The following FBXL7 variants were observed in gnomAD, a reference collection of about 807,000 sequenced individuals.
FBXL7 encodes the protein F-box and leucine rich repeat protein 7, also known as F-box/LRR-repeat protein 7.
In FBXL7, 12 loss-of-function variants were observed where a neutral mutation model predicts 38.3. The observed-to-expected ratio is 0.31, with a 90% CI of 0.20 to 0.51. The LOEUF (loss-of-function observed/expected upper bound fraction) is 0.51, where lower values mean the gene tolerates loss of function less well. Ranked by LOEUF, FBXL7 falls within the 20% of genes least tolerant of loss-of-function variation. The pLI is 0.98. For synonymous variants in FBXL7, 297 were observed against 300.9 expected (o/e 0.99, Z 0.13); for missense variants, 567 against 676.4 (o/e 0.84, Z 1.79).
At chr5:15,664,917 T>C (rs1742219646) in intron 2 of FBXL7, among the ~76,000 whole-genome samples, 1 of 152,106 alleles carries the variant, frequency 6.6e-6, no homozygotes, top group Non-Finnish European at 1.5e-5. Context: ...CTTGACATCA[T>C]TTTTGAAAGA....
chr5:15,516,821 T>C (rs1236837311), intron 1 of FBXL7, among the ~76,000 whole-genome samples: 1 of 152,094 alleles, frequency 6.6e-6, no homozygotes, highest in African/African-American at 2.4e-5. Flanking sequence ...TTCTCCTTGC[T>C]GCTGCCATGT....
intron 2 of FBXL7, among the ~76,000 whole-genome samples, chr5:15,664,127 ATTTTTT>A (rs1161104103): frequency 6.6e-6 from 1 of 151,968 alleles, no homozygotes; most frequent in African/African-American, 2.4e-5. Context: ...TCTCTTAGAA[ATTTTTT>A]TATATTGGGG....
At chr5:15,866,436 G>A (rs1394301248) in intron 2 of FBXL7, among the ~76,000 whole-genome samples, 1 of 152,174 alleles carries the variant, frequency 6.6e-6, no homozygotes, top group Non-Finnish European at 1.5e-5. Flanking sequence ...CATATGTGCA[G>A]ATAGCTAGCC....
At chr5:15,674,061 CAAAAAGAGCTCCACTA>C (rs1742574209) in intron 2 of FBXL7, among the ~76,000 whole-genome samples, 1 of 152,154 alleles carries the variant, frequency 6.6e-6, no homozygotes, top group Non-Finnish European at 1.5e-5. Flanking sequence ...CAGGTTAGTT[CAAAAAGAGCTCCACTA>C]CTTACCATGT....
chr5:15,749,114 A>G (rs1437664459), intron 2 of FBXL7, among the ~76,000 whole-genome samples: 1 of 151,800 alleles, frequency 6.6e-6, no homozygotes, highest in African/African-American at 2.4e-5. Flanking sequence ...GCATGGTGGC[A>G]CATGCCTGTA....
chr5:15,501,954 T>C (rs910619842), intron 1 of FBXL7, among the ~76,000 whole-genome samples: 2 of 152,006 alleles, frequency 1.3e-5, no homozygotes, highest in Non-Finnish European at 2.9e-5. Flanking sequence ...TGACAATTTT[T>C]TTTTTAAAGT....
At chr5:15,920,351 T>G (rs1224161512) in intron 2 of FBXL7, among the ~76,000 whole-genome samples, 1 of 152,220 alleles carries the variant, frequency 6.6e-6, no homozygotes, top group East Asian at 1.9e-4. Context: ...ACAATGTATA[T>G]TAAATGATCC....
At chr5:15,802,059 C>T (rs943652916) in intron 2 of FBXL7, among the ~76,000 whole-genome samples, 2 of 152,086 alleles carry the variant, frequency 1.3e-5, no homozygotes, top group African/African-American at 2.4e-5. Context: ...TAGGCATCCC[C>T]AATTCTCACC....
At chr5:15,806,922 C>A (rs1241615308) in intron 2 of FBXL7, among the ~76,000 whole-genome samples, 1 of 152,114 alleles carries the variant, frequency 6.6e-6, no homozygotes, top group Admixed American at 6.5e-5. Context: ...TTTCTGAAAT[C>A]TATGGTACAA....
intron 1 of FBXL7, among the ~76,000 whole-genome samples, chr5:15,606,400 C>T (rs973308922): frequency 1.3e-5 from 2 of 152,128 alleles, no homozygotes; most frequent in Non-Finnish European, 2.9e-5. Flanking sequence ...GGGAATTCTC[C>T]GCTCTATGTG....
chr5:15,716,539 C>T (rs1744048288), intron 2 of FBXL7, among the ~76,000 whole-genome samples: 1 of 152,166 alleles, frequency 6.6e-6, no homozygotes, highest in African/African-American at 2.4e-5. Context: ...TCAATTCTGC[C>T]TCCTCTGTGG....
In FBXL7 at chr5:15,613,953, C is replaced by T. The variant is rs141794260; in HGVS notation, c.38-2030C>T. ...TAAACAGTCTTCTACTGTGTCCTCACGTGGCAGAAGGGGGCAAGGAAGCTC... is the reference window on the plus strand; with the variant it reads ...TAAACAGTCTTCTACTGTGTCCTCATGTGGCAGAAGGGGGCAAGGAAGCTC... On this transcript the variant is annotated intron_variant, in intron 1 of 3. Coordinates refer to ENST00000504595, the MANE Select transcript of FBXL7 (RefSeq NM_012304.5). Among the ~76,000 whole-genome samples the T allele has an allele frequency of 6.8e-3, 1,033 of 152,216 alleles. 4 individuals are homozygous for T. Among genetic ancestry groups the T allele is most frequent in the Non-Finnish European group, 8.9e-3 (603 of 68,018 alleles).
At chr5:15,620,739 C>T (rs1011989322) in intron 2 of FBXL7, among the ~76,000 whole-genome samples, 2 of 152,158 alleles carry the variant, frequency 1.3e-5, no homozygotes, top group African/African-American at 4.8e-5. Flanking sequence ...CTAGTGTTCC[C>T]AGCCTGGCAC....
intron 2 of FBXL7, among the ~76,000 whole-genome samples, chr5:15,906,052 C>A (rs1326541256): frequency 6.6e-6 from 1 of 151,966 alleles, no homozygotes. Flanking sequence ...GAGTTATAAG[C>A]CTTGAATTTG....
chr5:15,703,217 T>A (rs185677296), intron 2 of FBXL7, among the ~76,000 whole-genome samples: 43 of 152,316 alleles, frequency 2.8e-4, no homozygotes, highest in Admixed American at 2.4e-3. Context: ...GCTTACTAAT[T>A]CTACTTTTAG....
intron 1 of FBXL7, among the ~76,000 whole-genome samples, chr5:15,611,835 A>AG (rs1324757947): frequency 6.6e-6 from 1 of 151,160 alleles, no homozygotes; most frequent in Non-Finnish European, 1.5e-5. Context: ...AAAAAAAAAA[A>AG]TGCTGGGTAT....
intron 2 of FBXL7, among the ~76,000 whole-genome samples, chr5:15,761,933 T>C (rs1343917655): frequency 6.6e-6 from 1 of 152,240 alleles, no homozygotes; most frequent in Non-Finnish European, 1.5e-5. Flanking sequence ...AGTGTCACTA[T>C]ATCAAGTTAT....
chr5:15,593,954 T>G (rs537602458), intron 1 of FBXL7, among the ~76,000 whole-genome samples: 1 of 152,274 alleles, frequency 6.6e-6, no homozygotes, highest in Non-Finnish European at 1.5e-5. Context: ...CATATGACAG[T>G]GTTGATTTTG....
At chr5:15,844,461 T>TC (rs1414107846) in intron 2 of FBXL7, among the ~76,000 whole-genome samples, 1 of 152,164 alleles carries the variant, frequency 6.6e-6, no homozygotes, top group Admixed American at 6.5e-5. Context: ...GCTGGACAGT[T>TC]CCCCAGGCTT....
Sources: allele counts gnomAD v4.1 joint callset (sites outside exome capture counted in the v4.1 genomes callset), GRCh38; gene constraint gnomAD v4.1.1; transcripts MANE v1.5; gene names NCBI Gene and HGNC (gene_info 2026-07-23, HGNC 2026-07-21).